Variants in BRSK2 observed in about 807,000 individuals in gnomAD.
BRSK2 encodes serine/threonine-protein kinase BRSK2.
In BRSK2, 19 loss-of-function variants were observed where a neutral mutation model predicts 83.3. The observed-to-expected ratio is 0.23, with a 90% CI of 0.16 to 0.33. The LOEUF is 0.33. Among genes scored for constraint, BRSK2 ranks in the 10% least tolerant of loss-of-function variants. The probability of loss-of-function intolerance (pLI) is 1.00; values close to 1 mark genes in which losing one functional copy is unlikely to be tolerated. For missense variants in BRSK2, 798 were observed against 1,042.3 expected, an observed-to-expected ratio of 0.77 and a Z score of 3.23; for synonymous variants, 519 against 435.4, an observed-to-expected ratio of 1.19 and a Z score of -2.39.
intron 1 of BRSK2, among the ~76,000 whole-genome samples, chr11:1,429,262 TGTGTGTGCACTCGTGTGG>T (rs1389017226): frequency 1.9e-5 from 2 of 104,610 alleles, no homozygotes; most frequent in South Asian, 4.0e-4. Flanking sequence ...TGTGCACAGG[TGTGTGTGCACTCGTGTGG>T]GTGTGTGCAC....
At chr11:1,412,801 T>C (rs955257709) in intron 1 of BRSK2, among the ~76,000 whole-genome samples, 1 of 149,456 alleles carries the variant, frequency 6.7e-6, no homozygotes, top group Non-Finnish European at 1.5e-5. Context: ...CCCAGGCCCG[T>C]TGGATCACTA....
Position 1,390,520 on chromosome 11 carries a change from C to T in BRSK2, c.91+145C>T, listed in dbSNP as rs1845655352. On this transcript the variant is annotated intron_variant, in intron 1 of 19. Transcript: ENST00000528841. The surrounding 1 kb of genome is among the most constrained non-coding windows in gnomAD (Gnocchi z 6.8). ...CGAACAATGGGCGGCCCGTGCGCCC[C>T]CGTCCGCTCGTGCGCCCCGGTTCCG... is the stretch of plus-strand genomic sequence containing the variant. The T allele has an allele frequency of 4.0e-6, 1 of 251,702 alleles. No individual in the cohort carries two copies. The highest frequency in any genetic ancestry group is 6.7e-5 in the Admixed American group (1 of 14,866). The allele number at this position is 251,702 out of a possible 1,614,324, so 15.6% of individuals were successfully genotyped here.
intron 12 of BRSK2, among the ~76,000 whole-genome samples, chr11:1,446,454 T>G (rs1852142378): frequency 6.6e-6 from 1 of 151,850 alleles, no homozygotes. Flanking sequence ...TGGGCTGGCT[T>G]GACCCAAGCT....
At chr11:1,450,530 C>T in intron 13 of BRSK2, 57 bp from the exon 14 acceptor site, 3 of 870,458 alleles carry the variant, frequency 3.4e-6, no homozygotes, top group Non-Finnish European at 1.8e-6. Context: ...GCGGGTGCCC[C>T]CCCGGCCCCC....
chr11:1,449,305 A>G (rs1845510265), intron 12 of BRSK2, among the ~76,000 whole-genome samples: 1 of 152,130 alleles, frequency 6.6e-6, no homozygotes, highest in Non-Finnish European at 1.5e-5. Flanking sequence ...CCGGCCGCTG[A>G]CCCAGGCATC....
In BRSK2 at chr11:1,445,353, C is replaced by G; in HGVS notation, c.872C>G (p.Ser291Trp). 1 of 1,611,738 alleles carries G rather than the reference C, an allele frequency of 6.2e-7. No homozygotes were observed. Among genetic ancestry groups the G allele is most frequent in the Non-Finnish European group, 8.5e-7 (1 of 1,179,546 alleles). ...QPIPRKVQIR[S>W]LPSLEDIDPD... The stretch of plus-strand genomic sequence containing the variant: ...ATTCCTCGCAAGGTGCAGATCCGCT[C>G]GCTGCCCAGCCTGGAGGACATCGAC... Residue 291 changes from serine to tryptophan, a missense_variant, in exon 10 of 20, where the codon TCG becomes TGG. This residue lies in a region of BRSK2 where 145 missense variants were observed against 225.4 expected (regional missense o/e 0.64). Transcript: ENST00000528841.
chr11:1,422,797 G>A (rs1177603784), intron 1 of BRSK2, among the ~76,000 whole-genome samples: 3 of 152,136 alleles, frequency 2.0e-5, no homozygotes, highest in African/African-American at 4.8e-5. Flanking sequence ...TTTGCCCAGC[G>A]CCATGTCCAC....
intron 1 of BRSK2, among the ~76,000 whole-genome samples, chr11:1,402,757 C>T (rs1846571287): frequency 6.6e-6 from 1 of 152,176 alleles, no homozygotes; most frequent in Non-Finnish European, 1.5e-5. Flanking sequence ...GGGTCTCCTG[C>T]CAAAGGCAGA....
intron 16 of BRSK2, among the ~76,000 whole-genome samples, chr11:1,455,964 G>A (rs1846474412): frequency 6.6e-6 from 1 of 152,056 alleles, no homozygotes; most frequent in Non-Finnish European, 1.5e-5. Context: ...CCTCTCAGTG[G>A]CAGCTCCCAG....
intron 13 of BRSK2, among the ~76,000 whole-genome samples, chr11:1,450,053 CTTCTT>C (rs1293213468): frequency 1.3e-5 from 2 of 152,158 alleles, no homozygotes; most frequent in African/African-American, 2.4e-5. Context: ...TTGTGTGTCA[CTTCTT>C]TTCTTTTGTG....
chr11:1,408,967 G>GGTGT (rs149657655), intron 1 of BRSK2, among the ~76,000 whole-genome samples: 3,452 of 120,928 alleles, frequency 0.029, 51 homozygotes, highest in Non-Finnish European at 0.041. Context: ...TGCCTGTGCA[G>GGTGT]GTGTGTGTGT....
chr11:1,422,375 T>TG (rs1262501732), intron 1 of BRSK2, among the ~76,000 whole-genome samples: 1 of 151,622 alleles, frequency 6.6e-6, no homozygotes, highest in Non-Finnish European at 1.5e-5. Flanking sequence ...TGGGGAGGGG[T>TG]GGGGGTCCCT....
intron 1 of BRSK2, among the ~76,000 whole-genome samples, chr11:1,416,936 G>A (rs548280797): frequency 3.7e-4 from 57 of 152,238 alleles, no homozygotes; most frequent in Admixed American, 2.1e-3. Flanking sequence ...CAAGGAGGGC[G>A]GATCACGAGG....
In BRSK2 at chr11:1,438,745, G is replaced by A. The variant is rs565567826; in HGVS notation, c.272+354G>A. ...GGCCACGCTGAGCCTCCTGGCCTCT[G>A]CCCAGGACGTCCCCAGCCCTGGGCA... On this transcript the variant is annotated intron_variant, in intron 3 of 19. Coordinates refer to ENST00000528841, the MANE Select transcript of BRSK2 (RefSeq NM_001256627.2). This position sits in a 1 kb window ranked among gnomAD's most constrained non-coding sequence, Gnocchi z 6.4. Among the ~76,000 whole-genome samples, 2 of 152,126 alleles carry A rather than the reference G, an allele frequency of 1.3e-5. No individual in the cohort carries two copies. The highest frequency in any genetic ancestry group is 2.9e-5 in the Non-Finnish European group (2 of 67,994).
chr11:1,400,494 C>A (rs1009387577), intron 1 of BRSK2, among the ~76,000 whole-genome samples: 2 of 152,364 alleles, frequency 1.3e-5, no homozygotes, highest in East Asian at 3.9e-4. Context: ...AATCCCTGAC[C>A]CTGTATAGCG....
Position 1,461,947 on chromosome 11 carries a change from T to G in BRSK2, c.*1224T>G, listed in dbSNP as rs1881505. 6.6e-6 allele frequency: 1 copy of G among 151,890 alleles called. No homozygotes were observed. Among genetic ancestry groups the G allele is most frequent in the Non-Finnish European group, 1.5e-5 (1 of 67,996 alleles). The allele number at this position is 151,890 out of a possible 1,614,324, so 9.4% of individuals were successfully genotyped here. ...GGCTCGGGGCAGAGGGGCGGTGTCT[T>G]GTAGCGGGCGGCAGCGCCAGCGCCC... On this transcript the variant is annotated 3_prime_UTR_variant, in exon 20 of 20. Transcript: ENST00000528841.
intron 15 of BRSK2, 127 bp downstream of exon 15, chr11:1,451,546 C>A: frequency 1.0e-6 from 1 of 989,456 alleles, no homozygotes. Flanking sequence ...CCACTGCAGG[C>A]AGGCCCGTCT....
chr11:1,419,686 C>T (rs925733462), intron 1 of BRSK2, among the ~76,000 whole-genome samples: 1 of 152,166 alleles, frequency 6.6e-6, no homozygotes, highest in Non-Finnish European at 1.5e-5. Context: ...CATGGCGGGG[C>T]CTCACTTGAG....
chr11:1,461,038 G>C lies in BRSK2; in HGVS notation c.*315G>C, dbSNP rs376884732. 6.2e-7 allele frequency: 1 copy of C among 1,609,778 alleles called. No homozygotes were observed. Among genetic ancestry groups the C allele is most frequent in the Admixed American group, 1.7e-5 (1 of 59,860 alleles). ...CTCTGTGACCGAAGGCAGCTGCTGC[G>C]GACCCGCCCTCCCTCCGCTCCTGCT... On this transcript the variant is annotated 3_prime_UTR_variant, in exon 20 of 20. Transcript: ENST00000528841.
Sources: allele counts gnomAD v4.1 joint callset (sites outside exome capture counted in the v4.1 genomes callset), GRCh38; gene constraint gnomAD v4.1.1; regional missense constraint gnomAD v4.1.1; non-coding constraint Gnocchi (gnomAD v3.1); transcripts MANE v1.5; gene names NCBI Gene and HGNC (gene_info 2026-07-23, HGNC 2026-07-21).